The following KCNIP4 variants were observed in gnomAD, a reference collection of about 807,000 sequenced individuals.
KCNIP4 encodes the protein potassium voltage-gated channel interacting protein 4, also known as Kv channel-interacting protein 4.
In KCNIP4, 12 loss-of-function variants were observed where a neutral mutation model predicts 34.0. The ratio of observed to expected loss-of-function variants is 0.35; its 90% CI spans 0.23 to 0.57. The LOEUF (loss-of-function observed/expected upper bound fraction) is 0.57, where lower values mean the gene tolerates loss of function less well. Ranked by LOEUF, KCNIP4 falls within the 20% of genes least tolerant of loss-of-function variation. The pLI, the probability that KCNIP4 is intolerant of heterozygous loss-of-function variation, is 0.83. For missense variants in KCNIP4, 238 were observed against 311.7 expected (o/e 0.76, Z 1.78); for synonymous variants, 124 against 102.2 (o/e 1.21, Z -1.29).
chr4:21,703,208 T>C (rs1283506672), intron 1 of KCNIP4, among the ~76,000 whole-genome samples: 1 of 152,076 alleles, frequency 6.6e-6, no homozygotes, highest in Non-Finnish European at 1.5e-5. Flanking sequence ...AAAAAGTGCT[T>C]CAACCAATGT....
chr4:20,743,445 G>A (rs1751657069), intron 5 of KCNIP4, among the ~76,000 whole-genome samples: 1 of 152,088 alleles, frequency 6.6e-6, no homozygotes, highest in Admixed American at 6.5e-5. Flanking sequence ...GAACAGAACA[G>A]AGCCCTCGGA....
rs564150244 is a variant in KCNIP4, at chr4:21,911,741, C to T, written c.61+36830G>A. ...GGTCCTTTAGTACTTGGTGCTTGGTCCCATCTTGTAATTCAATCATTAATG... is the reference window on the plus strand; with the variant it reads ...GGTCCTTTAGTACTTGGTGCTTGGTTCCATCTTGTAATTCAATCATTAATG... On this transcript the variant is annotated intron_variant, in intron 1 of 8. Transcript: ENST00000382152. Among the ~76,000 whole-genome samples, 4 of 151,744 alleles carry T rather than the reference C, an allele frequency of 2.6e-5. No individual in the cohort carries two copies. In the South Asian group the frequency reaches 8.4e-4, roughly 32 times the overall value.
intron 1 of KCNIP4, among the ~76,000 whole-genome samples, chr4:20,977,906 T>A (rs1393237742): frequency 6.6e-6 from 1 of 152,190 alleles, no homozygotes; most frequent in Non-Finnish European, 1.5e-5. Context: ...CTCACAATAC[T>A]TTTTCATCTT....
intron 1 of KCNIP4, among the ~76,000 whole-genome samples, chr4:21,647,507 A>T (rs1448331761): frequency 6.6e-6 from 1 of 152,192 alleles, no homozygotes; most frequent in Admixed American, 6.5e-5. Context: ...CCATTTTCTG[A>T]AAAAGACCTA....
chr4:21,189,718 G>T (rs1433300866), intron 1 of KCNIP4, among the ~76,000 whole-genome samples: 1 of 152,186 alleles, frequency 6.6e-6, no homozygotes, highest in Non-Finnish European at 1.5e-5. Flanking sequence ...TTTGCCACTT[G>T]AGAGTGAAAA....
At chr4:21,775,603 C>T (rs1467210676) in intron 1 of KCNIP4, among the ~76,000 whole-genome samples, 1 of 152,202 alleles carries the variant, frequency 6.6e-6, no homozygotes, top group African/African-American at 2.4e-5. Flanking sequence ...TGCAGTCACC[C>T]TTCCCCCTAG....
At chr4:21,388,183 C>T (rs1012812066) in intron 1 of KCNIP4, among the ~76,000 whole-genome samples, 7 of 150,020 alleles carry the variant, frequency 4.7e-5, no homozygotes, top group Admixed American at 6.6e-5. Flanking sequence ...TAAATTATAA[C>T]GGATTACCAT....
At chr4:20,763,909 T>C (rs1755167105) in intron 3 of KCNIP4, among the ~76,000 whole-genome samples, 1 of 152,176 alleles carries the variant, frequency 6.6e-6, no homozygotes, top group South Asian at 2.1e-4. Flanking sequence ...ATTGTCTCCA[T>C]TTCCCAGGTG....
At chr4:21,805,554 G>A (rs534479392) in intron 1 of KCNIP4, among the ~76,000 whole-genome samples, 2 of 152,138 alleles carry the variant, frequency 1.3e-5, no homozygotes, top group African/African-American at 2.4e-5. Flanking sequence ...TCCCAGTCTC[G>A]GGTATATCTT....
At chr4:20,851,349 C>T (rs765924968) in intron 2 of KCNIP4, among the ~76,000 whole-genome samples, 36 of 152,168 alleles carry the variant, frequency 2.4e-4, no homozygotes, top group Non-Finnish European at 4.9e-4. Context: ...TATGTGCCTG[C>T]AAATAAAATG....
chr4:20,753,143 C>T (rs1463468857), intron 4 of KCNIP4, among the ~76,000 whole-genome samples: 1 of 152,074 alleles, frequency 6.6e-6, no homozygotes, highest in African/African-American at 2.4e-5. Context: ...GGTGGGAAGA[C>T]ATTTTGGATA....
At chr4:21,888,680 C>T (rs1726923771) in intron 1 of KCNIP4, among the ~76,000 whole-genome samples, 1 of 152,034 alleles carries the variant, frequency 6.6e-6, no homozygotes. Context: ...TGTGTCATTA[C>T]ATTCACCATG....
intron 1 of KCNIP4, among the ~76,000 whole-genome samples, chr4:21,375,832 G>T (rs1229388635): frequency 6.6e-6 from 1 of 152,146 alleles, no homozygotes; most frequent in Non-Finnish European, 1.5e-5. Flanking sequence ...CTCCCAAAGT[G>T]CTGGGATTAC....
At chr4:21,565,890 C>T (rs986720054) in intron 1 of KCNIP4, among the ~76,000 whole-genome samples, 2 of 151,990 alleles carry the variant, frequency 1.3e-5, no homozygotes, top group Admixed American at 1.3e-4. Context: ...TCAAAGAAAG[C>T]TTTAAAGAGA....
At chr4:21,763,336 A>G (rs1718185147) in intron 1 of KCNIP4, among the ~76,000 whole-genome samples, 1 of 151,636 alleles carries the variant, frequency 6.6e-6, no homozygotes, top group African/African-American at 2.4e-5. Flanking sequence ...AAAACGGGCA[A>G]CTAGCTTAGC....
intron 1 of KCNIP4, among the ~76,000 whole-genome samples, chr4:21,150,051 T>C (rs772613299): frequency 6.6e-6 from 1 of 152,154 alleles, no homozygotes; most frequent in African/African-American, 2.4e-5. Flanking sequence ...ATCAGGGCAA[T>C]GATAGAATTG....
intron 3 of KCNIP4, among the ~76,000 whole-genome samples, chr4:20,825,524 C>A (rs138416354): frequency 7.2e-5 from 11 of 152,178 alleles, no homozygotes; most frequent in Admixed American, 5.2e-4. Flanking sequence ...GATCATGAGC[C>A]CCAACTGACA....
intron 1 of KCNIP4, among the ~76,000 whole-genome samples, chr4:21,862,878 G>A (rs887889446): frequency 4.6e-5 from 7 of 151,520 alleles, no homozygotes; most frequent in Non-Finnish European, 1.0e-4. Context: ...GGAGAATGGC[G>A]TGAACCCGGG....
At chr4:20,822,698 G>A (rs13102828) in intron 3 of KCNIP4, among the ~76,000 whole-genome samples, 261 of 152,204 alleles carry the variant, frequency 1.7e-3, no homozygotes, top group Non-Finnish European at 2.5e-3. Flanking sequence ...AATGCATTTC[G>A]CATGTGAGAA....
Sources: allele counts gnomAD v4.1 joint callset (sites outside exome capture counted in the v4.1 genomes callset), GRCh38; gene constraint gnomAD v4.1.1; transcripts MANE v1.5; gene names NCBI Gene and HGNC (gene_info 2026-07-23, HGNC 2026-07-21).